AGPAT4: variants seen among roughly 807,000 people sequenced by gnomAD.
AGPAT4 encodes the protein 1-acylglycerol-3-phosphate O-acyltransferase 4, also known as 1-acyl-sn-glycerol-3-phosphate acyltransferase delta.
AGPAT4 carries 15 observed loss-of-function variants against 48.0 expected under a neutral mutation model. That is an observed-to-expected ratio of 0.31 (90% CI 0.21 to 0.48). The LOEUF (loss-of-function observed/expected upper bound fraction) is 0.48. AGPAT4 is among the 20% of genes least tolerant of loss of function. The pLI is 0.99. For missense variants in AGPAT4, 314 were observed against 482.5 expected, an observed-to-expected ratio of 0.65 and a Z score of 3.27; for synonymous variants, 178 against 198.7, an observed-to-expected ratio of 0.90 and a Z score of 0.88.
At chr6:161,145,487 A>G (rs1162554766) in intron 7 of AGPAT4, among the ~76,000 whole-genome samples, 1 of 151,690 alleles carries the variant, frequency 6.6e-6, no homozygotes, top group Non-Finnish European at 1.5e-5. Context: ...TTGATTCCAA[A>G]AACTGAGCAA....
chr6:161,218,549 G>C lies in AGPAT4; in HGVS notation c.178+13487C>G, dbSNP rs566349428. Among the ~76,000 whole-genome samples, 11 of 152,146 alleles carry C rather than the reference G, an allele frequency of 7.2e-5. No homozygotes were observed. Among genetic ancestry groups the C allele is most frequent in the Non-Finnish European group, 1.2e-4 (8 of 68,026 alleles). ...GTAAGTTGACTGTGTCACCAAGGTGGTTAGGCCACTGTTCAGAAGCCAAGA... is the reference window on the plus strand; with the variant it reads ...GTAAGTTGACTGTGTCACCAAGGTGCTTAGGCCACTGTTCAGAAGCCAAGA... On this transcript the variant is annotated intron_variant, in intron 2 of 8. Transcript: ENST00000320285. This position sits in a 1 kb window ranked among gnomAD's most constrained non-coding sequence, Gnocchi z 4.7.
rs563001697 is a variant in AGPAT4 at position 161,155,103 on chromosome 6, C to A, written c.349-793G>T. Among the ~76,000 whole-genome samples, 1 of 152,116 alleles carries A rather than the reference C, an allele frequency of 6.6e-6. No homozygotes were observed. The highest frequency in any genetic ancestry group is 2.1e-4 in the South Asian group (1 of 4,822). On this transcript the variant is annotated intron_variant, in intron 3 of 8. Transcript: ENST00000320285. This position sits in a 1 kb window ranked among gnomAD's most constrained non-coding sequence, Gnocchi z 5.8. Reference sequence around the variant, plus strand: ...CCTTCTTGAGGCTGACGCAGGTGCACGAGCTAGGCCCCACAGGTCCCCTCT... The same window carrying A: ...CCTTCTTGAGGCTGACGCAGGTGCAAGAGCTAGGCCCCACAGGTCCCCTCT...
chr6:161,199,255 C>T lies in AGPAT4; in HGVS notation c.178+32781G>A, dbSNP rs59512843. 5.2e-3 allele frequency among the ~76,000 whole-genome samples: 790 copies of T among 152,338 alleles called. 4 individuals carry two copies. Among genetic ancestry groups the T allele is most frequent in the African/African-American group, 0.018 (737 of 41,578 alleles). On this transcript the variant is annotated intron_variant, in intron 2 of 8. Transcript: ENST00000320285. ...CAGGCATTTGTTCACCATCTCAACA[C>T]ATCTTGTCATGCCCGCCCCTCCTAC...
chr6:161,234,160 G>C lies in AGPAT4; in HGVS notation c.-89-1858C>G, dbSNP rs1225265486. Among the ~76,000 whole-genome samples the C allele has an allele frequency of 1.3e-5, 2 of 152,184 alleles. No homozygotes were observed. Among genetic ancestry groups the C allele is most frequent in the East Asian group, 3.9e-4 (2 of 5,192 alleles). ...ACAGCTTTGAGTGCAGTCACTCCTG[G>C]GTCATGCAGGTTGGCTCTGAGGATG... On this transcript the variant is annotated intron_variant, in intron 1 of 8. Transcript: ENST00000320285. This position sits in a 1 kb window ranked among gnomAD's most constrained non-coding sequence, Gnocchi z 4.4.
intron 2 of AGPAT4, among the ~76,000 whole-genome samples, chr6:161,203,727 C>T (rs926157964): frequency 2.0e-5 from 3 of 152,068 alleles, no homozygotes; most frequent in Admixed American, 6.5e-5. Flanking sequence ...TGAGCCACAG[C>T]GCCTGGCTGG....
rs370825906 is a variant in AGPAT4 at position 161,149,163 on chromosome 6, T to C, written c.767+24A>G. ...ACTTTGAAATGGGCACTGTCTTTTC[T>C]GGAAAGGAAACAGTTCGACTTACCT... On this transcript the variant is annotated intron_variant, in intron 6 of 8. Coordinates refer to ENST00000320285, the MANE Select transcript of AGPAT4 (RefSeq NM_020133.3). The surrounding 1 kb of genome is among the most constrained non-coding windows in gnomAD (Gnocchi z 6.5). The C allele has an allele frequency of 2.5e-6, 4 of 1,606,834 alleles. No homozygotes were observed. Among genetic ancestry groups the C allele is most frequent in the Non-Finnish European group, 3.4e-6 (4 of 1,177,904 alleles).
chr6:161,253,538 G>C (rs1782862609), intron 1 of AGPAT4, among the ~76,000 whole-genome samples: 1 of 151,780 alleles, frequency 6.6e-6, no homozygotes, highest in Non-Finnish European at 1.5e-5. Flanking sequence ...ACAGGCATGA[G>C]CCACCGCACC....
At position 161,133,421 on chromosome 6, in the gene AGPAT4, G is replaced by A. The variant is rs1225986690; in HGVS notation, c.*3119C>T. 1 of 152,186 alleles carries A rather than the reference G, an allele frequency of 6.6e-6. No homozygotes were observed. The highest frequency in any genetic ancestry group is 1.5e-5 in the Non-Finnish European group (1 of 68,024). The allele number at this position is 152,186 out of a possible 1,614,324, so 9.4% of individuals were successfully genotyped here. On this transcript the variant is annotated 3_prime_UTR_variant, in exon 9 of 9. Coordinates refer to ENST00000320285, the MANE Select transcript of AGPAT4 (RefSeq NM_020133.3). Reference sequence around the variant, plus strand: ...TCGAGATATTCCAGTACTACTGTGTGATCATATGAAAAAAGTTGGTTTTCT... The same window carrying A: ...TCGAGATATTCCAGTACTACTGTGTAATCATATGAAAAAAGTTGGTTTTCT...
Position 161,251,202 on chromosome 6 carries a change from T to C in AGPAT4, c.-89-18900A>G, listed in dbSNP as rs146439950. Among the ~76,000 whole-genome samples the C allele has an allele frequency of 2.9e-3, 445 of 152,342 alleles. 3 individuals are homozygous for C. Among genetic ancestry groups the C allele is most frequent in the African/African-American group, 0.01 (422 of 41,586 alleles). On this transcript the variant is annotated intron_variant, in intron 1 of 8. Transcript: ENST00000320285. The surrounding 1 kb of genome is among the most constrained non-coding windows in gnomAD (Gnocchi z 4.6). ...ATTTTGTTTTTAGCTACTCAATCCA[T>C]CTTACACTTATTTTTGGTTACAGTC...
In AGPAT4 at chr6:161,249,785, T is replaced by C. The variant is rs1229226143; in HGVS notation, c.-89-17483A>G. Among the ~76,000 whole-genome samples, 1 of 152,176 alleles carries C rather than the reference T, an allele frequency of 6.6e-6. No individual in the cohort carries two copies. Among genetic ancestry groups the C allele is most frequent in the African/African-American group, 2.4e-5 (1 of 41,434 alleles). On this transcript the variant is annotated intron_variant, in intron 1 of 8. Transcript: ENST00000320285. This position sits in a 1 kb window ranked among gnomAD's most constrained non-coding sequence, Gnocchi z 6.2. ...AAAGACCTAAAAACAGAAATATCATTCGACCCAGCAATCCCATTACTGGTT... is the reference window on the plus strand; with the variant it reads ...AAAGACCTAAAAACAGAAATATCATCCGACCCAGCAATCCCATTACTGGTT...
Position 161,164,999 on chromosome 6 carries a change from G to A in AGPAT4, c.348+1249C>T, listed in dbSNP as rs115192973. Among the ~76,000 whole-genome samples the A allele has an allele frequency of 5.4e-3, 821 of 152,246 alleles. 9 individuals carry two copies. Among genetic ancestry groups the A allele is most frequent in the African/African-American group, 0.019 (791 of 41,536 alleles). ...GTGACCTGACAGTCAAGATGCACCG[G>A]CTCCCCATACCCTTCCTCCTGGGCA... On this transcript the variant is annotated intron_variant, in intron 3 of 8. Transcript: ENST00000320285. The surrounding 1 kb of genome is among the most constrained non-coding windows in gnomAD (Gnocchi z 7.4).
chr6:161,162,645 T>G lies in AGPAT4; in HGVS notation c.348+3603A>C, dbSNP rs1757852385. On this transcript the variant is annotated intron_variant, in intron 3 of 8. Coordinates refer to ENST00000320285, the MANE Select transcript of AGPAT4 (RefSeq NM_020133.3). ...TGACACGCTTGTTGTTTTAAGCCGC[T>G]ATGTTTTGGGTCTCATCACGCTGCC... Among the ~76,000 whole-genome samples the G allele has an allele frequency of 2.0e-5, 3 of 152,198 alleles. No individual in the cohort carries two copies. The South Asian group carries it at 6.2e-4, about 31-fold the overall frequency.
Position 161,166,278 on chromosome 6 carries a change from C to T in AGPAT4, c.318G>A (p.Trp106Ter), listed in dbSNP as rs1780094265. Reference protein sequence around the residue: ...HKFEIDFLCGWSLSERFGLLG... With the variant: ...HKFEIDFLCG Reference sequence around the variant, plus strand: ...ACAGCCCAAAGCGTTCGGACAGGCTCCAGCCACACAGAAAGTCAATTTCAA... The same window carrying T: ...ACAGCCCAAAGCGTTCGGACAGGCTTCAGCCACACAGAAAGTCAATTTCAA... The change falls in exon 3 of 9, where the codon TGG (tryptophan) becomes TGA (stop). Residue 106 changes from tryptophan (W) to a stop codon, truncating the protein, a stop_gained. Transcript: ENST00000320285. LOFTEE classifies it high-confidence loss of function. This position sits in a 1 kb window ranked among gnomAD's most constrained non-coding sequence, Gnocchi z 6.7. 6.2e-7 allele frequency: 1 copy of T among 1,614,128 alleles called. No individual in the cohort carries two copies. Among genetic ancestry groups the T allele is most frequent in the Admixed American group, 1.7e-5 (1 of 60,014 alleles).
rs1781695989 is a variant in AGPAT4, at chr6:161,217,875, A to G, written c.178+14161T>C. On this transcript the variant is annotated intron_variant, in intron 2 of 8. Transcript: ENST00000320285. This position sits in a 1 kb window ranked among gnomAD's most constrained non-coding sequence, Gnocchi z 4.9. Reference sequence around the variant, plus strand: ...GCTCCCGCGGGGCCCTGCACACACCAGCTCTGGGTTTGTTCTTGTTTGGAT... The same window carrying G: ...GCTCCCGCGGGGCCCTGCACACACCGGCTCTGGGTTTGTTCTTGTTTGGAT... 9.4e-6 allele frequency among the ~76,000 whole-genome samples: 1 copy of G among 105,906 alleles called. No individual in the cohort carries two copies. Among genetic ancestry groups the G allele is most frequent in the Non-Finnish European group, 1.9e-5 (1 of 54,012 alleles). The allele number at this position is 105,906 out of a possible 152,430, so 69.5% of individuals were successfully genotyped here.
rs1779849509 is a variant in AGPAT4, at chr6:161,159,131, A to T, written c.349-4821T>A. ...GACTGTTTTCTTGACTACCAGCTGG[A>T]GCCACTGTAGCAAATGTTTCAGTTC... is the stretch of plus-strand genomic sequence containing the variant. On this transcript the variant is annotated intron_variant, in intron 3 of 8. Coordinates refer to ENST00000320285, the MANE Select transcript of AGPAT4 (RefSeq NM_020133.3). This position sits in a 1 kb window ranked among gnomAD's most constrained non-coding sequence, Gnocchi z 4.1. 6.6e-6 allele frequency among the ~76,000 whole-genome samples: 1 copy of T among 152,302 alleles called. No homozygotes were observed. Among genetic ancestry groups the T allele is most frequent in the East Asian group, 1.9e-4 (1 of 5,186 alleles).
chr6:161,205,761 T>TAATAACAAC (rs71004032), intron 2 of AGPAT4, among the ~76,000 whole-genome samples: 131 of 149,118 alleles, frequency 8.8e-4, no homozygotes, highest in African/African-American at 2.4e-3. Flanking sequence ...ATAATAATAA[T>TAATAACAAC]AACAACAAAC....
chr6:161,213,108 A>G (rs1781560430), intron 2 of AGPAT4, among the ~76,000 whole-genome samples: 1 of 152,166 alleles, frequency 6.6e-6, no homozygotes, highest in South Asian at 2.1e-4. Context: ...AGGAGCCTCA[A>G]GTTTATCTTG....
chr6:161,160,538 T>C (rs560881902), intron 3 of AGPAT4: 1 of 180,462 alleles, frequency 5.5e-6, no homozygotes, highest in African/African-American at 2.3e-5. Context: ...CACTCCTGAC[T>C]GGCCTCCTCC....
rs1191499992 is a variant in AGPAT4 at position 161,177,665 on chromosome 6, T to C, written c.179-11248A>G. On this transcript the variant is annotated intron_variant, in intron 2 of 8. Transcript: ENST00000320285. The surrounding 1 kb of genome is among the most constrained non-coding windows in gnomAD (Gnocchi z 5.0). Reference sequence around the variant, plus strand: ...TCTTTTCTCAACATGTCAAAGTCATTCTCCGTCCAGCTTTCTTCCATTGCT... The same window carrying C: ...TCTTTTCTCAACATGTCAAAGTCATCCTCCGTCCAGCTTTCTTCCATTGCT... Among the ~76,000 whole-genome samples, 2 of 152,248 alleles carry C rather than the reference T, an allele frequency of 1.3e-5. No homozygotes were observed. The highest frequency in any genetic ancestry group is 2.9e-5 in the Non-Finnish European group (2 of 68,046).
Sources: allele counts gnomAD v4.1 joint callset (sites outside exome capture counted in the v4.1 genomes callset), GRCh38; gene constraint gnomAD v4.1.1; non-coding constraint Gnocchi (gnomAD v3.1); transcripts MANE v1.5; gene names NCBI Gene and HGNC (gene_info 2026-07-23, HGNC 2026-07-21).